Variants in ZNF718 observed in about 807,000 individuals in gnomAD.
ZNF718 encodes zinc finger protein 718.
In ZNF718, 3 loss-of-function variants were observed where a neutral mutation model predicts 2.6. The ratio of observed to expected loss-of-function variants is 1.16; its 90% confidence interval spans 0.53 to 3.01. ZNF718 has a LOEUF of 3.01. ZNF718 is among the 30% of genes most tolerant of loss of function. The pLI, the probability that ZNF718 is intolerant of heterozygous loss-of-function variation, is 0.03. For missense variants in ZNF718, 468 were observed against 230.0 expected (o/e 2.03, Z -6.69); for synonymous variants, 135 against 77.9 (o/e 1.73, Z -3.86).
chr4:176,819 C>T (rs1385487193), intron 3 of ZNF718, among the ~76,000 whole-genome samples: 1 of 152,312 alleles, frequency 6.6e-6, no homozygotes, highest in African/African-American at 2.4e-5. Flanking sequence ...ACTAATCACC[C>T]ATGTCTAACT....
At chr4:198,726 A>G (rs780979263) in intron 3 of ZNF718, among the ~76,000 whole-genome samples, 6 of 152,220 alleles carry the variant, frequency 3.9e-5, no homozygotes, top group Non-Finnish European at 8.8e-5. Flanking sequence ...GTCTGCAGGG[A>G]AAAGATGTTA....
intron 1 of ZNF718, chr4:124,923 T>G (rs782034596): frequency 6.8e-6 from 3 of 443,132 alleles, no homozygotes; most frequent in Non-Finnish European, 1.2e-5. Context: ...TAGGAGCTCA[T>G]CCGGAAGACA....
chr4:158,400 A>G (rs942679349), intron 3 of ZNF718, among the ~76,000 whole-genome samples: 3 of 151,880 alleles, frequency 2.0e-5, no homozygotes, highest in African/African-American at 4.8e-5. Context: ...AAGGCTTACT[A>G]ATATTATTTT....
chr4:147,977 T>C (rs1208672969), intron 3 of ZNF718, among the ~76,000 whole-genome samples: 1 of 152,188 alleles, frequency 6.6e-6, no homozygotes, highest in East Asian at 1.9e-4. Flanking sequence ...AATCCAGTCA[T>C]TGGACAGGTT....
At chr4:181,158 C>CA (rs782776050) in intron 3 of ZNF718, among the ~76,000 whole-genome samples, 3 of 51,086 alleles carry the variant, frequency 5.9e-5, no homozygotes, top group Admixed American at 2.6e-4. Flanking sequence ...CAGTGCCCAG[C>CA]TTTTTTTTTT....
chr4:185,352 T>G (rs1717546471), intron 3 of ZNF718, among the ~76,000 whole-genome samples: 1 of 152,230 alleles, frequency 6.6e-6, no homozygotes, highest in Non-Finnish European at 1.5e-5. Context: ...TTGCTTACAC[T>G]GTGATTTGAG....
At chr4:156,225 T>G (rs574649251) in intron 3 of ZNF718, among the ~76,000 whole-genome samples, 1 of 148,316 alleles carries the variant, frequency 6.7e-6, no homozygotes, top group South Asian at 2.2e-4. Context: ...ATCAGTGATA[T>G]GTCTATTTCC....
intron 3 of ZNF718, among the ~76,000 whole-genome samples, chr4:151,753 G>A (rs145307440): frequency 6.6e-6 from 1 of 151,988 alleles, no homozygotes; most frequent in Non-Finnish European, 1.5e-5. Context: ...GTAGGGGTGG[G>A]TTGCCCCTAC....
At chr4:168,873 G>T (rs1553817446), downstream of ZNF718, among the ~76,000 whole-genome samples, 1 of 152,110 alleles carries the variant, frequency 6.6e-6, no homozygotes, top group Non-Finnish European at 1.5e-5. Flanking sequence ...TCTGATCTTA[G>T]TTATTTCTTG....
intron 3 of ZNF718, among the ~76,000 whole-genome samples, chr4:157,507 C>T (rs1716627848): frequency 6.6e-6 from 1 of 152,088 alleles, no homozygotes; most frequent in Non-Finnish European, 1.5e-5. Flanking sequence ...TCTGGAAAAA[C>T]TCGATTAGAA....
intron 3 of ZNF718, among the ~76,000 whole-genome samples, chr4:175,852 C>CTTTTTTTTTTTTTT (rs1158577358): frequency 1.0e-5 from 1 of 98,932 alleles, no homozygotes; most frequent in Non-Finnish European, 2.0e-5. Context: ...GATTAACAGT[C>CTTTTTTTTTTTTTT]TTTTTTTTTT....
intron 1 of ZNF718, 56 bp downstream of exon 1, chr4:124,729 G>T: frequency 6.2e-7 from 1 of 1,601,752 alleles, no homozygotes. Flanking sequence ...GGAACCGGCG[G>T]GAAATGGCGG....
chr4:137,529 T>C (rs1340127368), intron 3 of ZNF718, among the ~76,000 whole-genome samples: 1 of 152,226 alleles, frequency 6.6e-6, no homozygotes, highest in Non-Finnish European at 1.5e-5. Flanking sequence ...TTTTGTTTGC[T>C]TGATATTGGC....
chr4:134,696 ATTT>A (rs1715482020), intron 3 of ZNF718, among the ~76,000 whole-genome samples: 1 of 151,698 alleles, frequency 6.6e-6, no homozygotes, highest in East Asian at 1.9e-4. Context: ...CTATGATTAA[ATTT>A]TTTATTTTTA....
In ZNF718 at chr4:133,177, T is replaced by TA. The variant is rs1189716766; in HGVS notation, c.226+1691dup. Among the ~76,000 whole-genome samples the TA allele has an allele frequency of 6.1e-3, 76 of 12,496 alleles. 14 individuals carry two copies. The highest frequency in any genetic ancestry group is 0.048 in the East Asian group (3 of 62). The allele number at this position is 12,496 out of a possible 152,430, so 8.2% of individuals were successfully genotyped here. On this transcript the variant is annotated intron_variant, in intron 3 of 3. Coordinates refer to ENST00000510175, the MANE Select transcript of ZNF718 (RefSeq NM_001039127.6). The stretch of plus-strand genomic sequence containing the variant: ...TGGGCAACACAGCAAGACTCCATCT[T>TA]AAAAAAAAAAAAAAAAAAATATATA...
chr4:156,484 TTTAA>T (rs1716571899), intron 3 of ZNF718, among the ~76,000 whole-genome samples: 1 of 75,162 alleles, frequency 1.3e-5, no homozygotes, highest in Non-Finnish European at 2.6e-5. Context: ...TATTACTATT[TTTAA>T]TTGTCAAAAA....
intron 3 of ZNF718, among the ~76,000 whole-genome samples, chr4:134,003 G>C (rs546732072): frequency 1.3e-5 from 2 of 152,270 alleles, no homozygotes; most frequent in Admixed American, 1.3e-4. Flanking sequence ...CTATTTTGCT[G>C]ATCTAATGCT....
intron 3 of ZNF718, among the ~76,000 whole-genome samples, chr4:135,239 T>TA (rs1227093983): frequency 0.69 from 93,713 of 135,538 alleles, 32,352 homozygotes; most frequent in East Asian, 0.94. Context: ...ACTCTTGTCT[T>TA]AAAAAAAAAA....
At position 160,676 on chromosome 4, in the gene ZNF718, A is replaced by G. The variant is rs55772226; in HGVS notation, c.227-236A>G. ...GGGATTCTCCTGCCTCAGCCTCCCA[A>G]GTAGCTGGGATTATAGGCATGCACC... On this transcript the variant is annotated intron_variant, in intron 3 of 3. Coordinates refer to ENST00000510175, the MANE Select transcript of ZNF718 (RefSeq NM_001039127.6). Among the ~76,000 whole-genome samples, 1 of 152,276 alleles carries G rather than the reference A, an allele frequency of 6.6e-6. No homozygotes were observed. Among genetic ancestry groups the G allele is most frequent in the Non-Finnish European group, 1.5e-5 (1 of 68,022 alleles).
Sources: gnomAD v4.1 joint callset for allele counts (sites outside exome capture counted in the v4.1 genomes callset) on GRCh38, gnomAD v4.1.1 for gene constraint, MANE v1.5 for transcripts, NCBI Gene and HGNC (gene_info 2026-07-23, HGNC 2026-07-21) for gene names.